The following CCDC83 variants were observed in gnomAD, a reference collection of about 807,000 sequenced individuals.
CCDC83 encodes the protein coiled-coil domain containing 83.
A neutral mutation model predicts 50.1 loss-of-function variants in CCDC83; 54 were observed. That is an observed-to-expected ratio of 1.08 (90% CI 0.87 to 1.35). The LOEUF (loss-of-function observed/expected upper bound fraction) is 1.35. Among genes scored for constraint, CCDC83 ranks in the 40% most tolerant of loss-of-function variants. The probability of loss-of-function intolerance (pLI) is 0.00; values close to 1 mark genes in which losing one functional copy is unlikely to be tolerated. For synonymous variants in CCDC83, 161 were observed against 153.3 expected (o/e 1.05, Z -0.37); for missense variants, 518 against 473.9 (o/e 1.09, Z -0.86).
At chr11:85,894,289 C>G (rs920491727) in intron 5 of CCDC83, among the ~76,000 whole-genome samples, 2 of 152,190 alleles carry the variant, frequency 1.3e-5, no homozygotes, top group Non-Finnish European at 2.9e-5. Context: ...GCCCAGAAAT[C>G]TAGCAGCCAC....
chr11:85,856,815 C>G (rs183647042), intron 1 of CCDC83, among the ~76,000 whole-genome samples: 1 of 152,158 alleles, frequency 6.6e-6, no homozygotes, highest in Non-Finnish European at 1.5e-5. Flanking sequence ...TATACATAAT[C>G]AATATGAAAA....
rs187972495 is a variant in CCDC83, at chr11:85,870,683, A to G, written c.96-2528A>G. 1.7e-3 allele frequency among the ~76,000 whole-genome samples: 265 copies of G among 151,824 alleles called. 4 individuals carry two copies. The highest frequency in any genetic ancestry group is 6.2e-3 in the African/African-American group (257 of 41,250). The stretch of plus-strand genomic sequence containing the variant: ...CAGCACAGAGCCTTATTTTCTTATT[A>G]TTTTGTGGAGGCTGCCCTATCTACT... On this transcript the variant is annotated intron_variant, in intron 2 of 10. Coordinates refer to ENST00000342404, the MANE Select transcript of CCDC83 (RefSeq NM_001286159.2).
rs2093307235 is a variant in CCDC83 at position 85,882,688 on chromosome 11, C to T, written c.343+13C>T. 6.2e-7 allele frequency: 1 copy of T among 1,610,702 alleles called. No individual in the cohort carries two copies. Among genetic ancestry groups the T allele is most frequent in the Non-Finnish European group, 8.5e-7 (1 of 1,177,724 alleles). On this transcript the variant is annotated intron_variant, in intron 4 of 10. Transcript: ENST00000342404. The stretch of plus-strand genomic sequence containing the variant: ...AAAAACTTGAGAGGTGATTTAGGAA[C>T]ATAGAAAACTATCATAGAGTTGTGC...
intron 10 of CCDC83, among the ~76,000 whole-genome samples, chr11:85,918,194 A>C (rs1261956879): frequency 1.3e-5 from 2 of 152,214 alleles, no homozygotes; most frequent in African/African-American, 4.8e-5. Flanking sequence ...TGTGCATTTA[A>C]GGGAGAGAAC....
chr11:85,860,117 A>C (rs10792817), intron 1 of CCDC83, among the ~76,000 whole-genome samples: 152,026 of 152,040 alleles, frequency 1, 76,006 homozygotes, highest in Middle Eastern at 1. Flanking sequence ...TGAAACCCCG[A>C]CTCTACTAAA....
At position 85,905,826 on chromosome 11, in the gene CCDC83, A is replaced by C. The variant is rs558616359; in HGVS notation, c.673-5455A>C. 3.3e-5 allele frequency among the ~76,000 whole-genome samples: 5 copies of C among 150,644 alleles called. No homozygotes were observed. In the East Asian group the frequency reaches 1.0e-3, roughly 31 times the overall value. ...CTATTAAAAACACAAAAAATTAGCC[A>C]GGCATGGTGGCGGGCTCCTGTAGTC... On this transcript the variant is annotated intron_variant, in intron 7 of 10. Coordinates refer to ENST00000342404, the MANE Select transcript of CCDC83 (RefSeq NM_001286159.2).
At chr11:85,913,385 A>T (rs1185029585) in intron 8 of CCDC83, among the ~76,000 whole-genome samples, 1 of 152,252 alleles carries the variant, frequency 6.6e-6, no homozygotes, top group Non-Finnish European at 1.5e-5. Flanking sequence ...AAACTGGAAA[A>T]TTTGAAAGCC....
intron 7 of CCDC83, among the ~76,000 whole-genome samples, chr11:85,900,749 T>C (rs896044544): frequency 8.5e-5 from 13 of 152,054 alleles, no homozygotes; most frequent in Non-Finnish European, 1.9e-4. Flanking sequence ...TAGGGAACTG[T>C]GAAGGTCTTT....
chr11:85,883,800 C>A (rs2093313400), intron 4 of CCDC83, among the ~76,000 whole-genome samples: 1 of 152,184 alleles, frequency 6.6e-6, no homozygotes, highest in Non-Finnish European at 1.5e-5. Context: ...ACACAGCAGG[C>A]TCTCCACTCA....
chr11:85,909,375 T>A lies in CCDC83; in HGVS notation c.673-1906T>A, dbSNP rs374104279. Among the ~76,000 whole-genome samples the A allele has an allele frequency of 1.6e-4, 24 of 152,264 alleles. No homozygotes were observed. In the East Asian group the frequency reaches 4.1e-3, roughly 26 times the overall value. On this transcript the variant is annotated intron_variant, in intron 7 of 10. Coordinates refer to ENST00000342404, the MANE Select transcript of CCDC83 (RefSeq NM_001286159.2). The stretch of plus-strand genomic sequence containing the variant: ...TTCCCTCAAGACTTTTATTACTTCC[T>A]CCAGTTTATATCACCATTATTCTCA...
At chr11:85,868,262 G>A (rs1368681256) in intron 2 of CCDC83, among the ~76,000 whole-genome samples, 4 of 152,120 alleles carry the variant, frequency 2.6e-5, no homozygotes, top group African/African-American at 7.2e-5. Flanking sequence ...CTTGCCCCCC[G>A]TTTTCTACAA....
chr11:85,910,176 T>C (rs867098468), intron 7 of CCDC83, among the ~76,000 whole-genome samples: 7 of 152,236 alleles, frequency 4.6e-5, no homozygotes, highest in East Asian at 1.9e-4. Flanking sequence ...CGACAACTGA[T>C]AGAAGTAGGG....
At chr11:85,904,085 A>G (rs2093414451) in intron 7 of CCDC83, among the ~76,000 whole-genome samples, 1 of 152,148 alleles carries the variant, frequency 6.6e-6, no homozygotes, top group South Asian at 2.1e-4. Context: ...GCATAAAACC[A>G]TTCAATTAAT....
At chr11:85,877,563 T>C (rs1028951935) in intron 3 of CCDC83, among the ~76,000 whole-genome samples, 6 of 152,226 alleles carry the variant, frequency 3.9e-5, no homozygotes, top group African/African-American at 1.4e-4. Flanking sequence ...AAATATTTGA[T>C]CTAGGAGATC....
intron 2 of CCDC83, among the ~76,000 whole-genome samples, chr11:85,870,086 G>T (rs2093228656): frequency 6.6e-6 from 1 of 152,246 alleles, no homozygotes; most frequent in Non-Finnish European, 1.5e-5. Flanking sequence ...TGAGGGAGGG[G>T]TGGTGGGCTT....
At chr11:85,875,003 T>C (rs539082982) in intron 3 of CCDC83, among the ~76,000 whole-genome samples, 4 of 152,264 alleles carry the variant, frequency 2.6e-5, no homozygotes, top group African/African-American at 7.2e-5. Context: ...CATGCAGACA[T>C]GCGAAGAGTG....
Position 85,899,025 on chromosome 11 carries a change from A to G in CCDC83, c.672+10A>G. On this transcript the variant is annotated intron_variant, in intron 7 of 10. Coordinates refer to ENST00000342404, the MANE Select transcript of CCDC83 (RefSeq NM_001286159.2). The stretch of plus-strand genomic sequence containing the variant: ...CTGGCTCAAAAAAGAGGTAAGTGGA[A>G]TTTATCAAAACAAACAATTTCTTCG... The G allele has an allele frequency of 6.3e-7, 1 of 1,588,640 alleles. No homozygotes were observed. The highest frequency in any genetic ancestry group is 2.2e-5 in the East Asian group (1 of 44,716).
intron 4 of CCDC83, among the ~76,000 whole-genome samples, chr11:85,885,384 T>C (rs1176456410): frequency 6.6e-6 from 1 of 152,170 alleles, no homozygotes; most frequent in Non-Finnish European, 1.5e-5. Flanking sequence ...AAGTGCTGGA[T>C]TTACAGAGAT....
chr11:85,862,021 AGAG>A (rs2153681884), intron 1 of CCDC83, among the ~76,000 whole-genome samples: 1 of 140,136 alleles, frequency 7.1e-6, no homozygotes, highest in Admixed American at 7.0e-5. Flanking sequence ...AAAAAAAAAA[AGAG>A]AGTCATTTAT....
Sources: allele counts gnomAD v4.1 joint callset (sites outside exome capture counted in the v4.1 genomes callset), GRCh38; gene constraint gnomAD v4.1.1; transcripts MANE v1.5; gene names NCBI Gene and HGNC (gene_info 2026-07-23, HGNC 2026-07-21).